SPOCK3: variants seen among roughly 807,000 people sequenced by gnomAD.
SPOCK3 encodes testican-3.
Under a neutral mutation model 56.6 loss-of-function variants are expected in SPOCK3, and 30 were observed. That is an observed-to-expected ratio of 0.53 (90% CI 0.40 to 0.72). The LOEUF (loss-of-function observed/expected upper bound fraction) is 0.72. SPOCK3 is among the 30% of genes least tolerant of loss of function. The pLI, the probability that SPOCK3 is intolerant of heterozygous loss-of-function variation, is 0.00. For synonymous variants in SPOCK3, 196 were observed against 183.3 expected, an observed-to-expected ratio of 1.07 and a Z score of -0.56; for missense variants, 527 against 530.0, an observed-to-expected ratio of 0.99 and a Z score of 0.06.
intron 2 of SPOCK3, among the ~76,000 whole-genome samples, chr4:167,183,083 C>A (rs956349056): frequency 1.3e-5 from 2 of 152,076 alleles, no homozygotes; most frequent in African/African-American, 4.8e-5. Context: ...ATGATTACAG[C>A]AGGCCCTCCT....
chr4:167,072,718 G>A (rs1022651909), intron 2 of SPOCK3, among the ~76,000 whole-genome samples: 4 of 151,608 alleles, frequency 2.6e-5, no homozygotes, highest in Non-Finnish European at 5.9e-5. Flanking sequence ...TAGCTTTGGA[G>A]ACAATCTACA....
intron 3 of SPOCK3, among the ~76,000 whole-genome samples, chr4:167,052,555 A>C (rs1197071676): frequency 2.0e-5 from 3 of 152,198 alleles, no homozygotes; most frequent in African/African-American, 7.2e-5. Context: ...AATCACTTTC[A>C]GAAAATACTG....
At chr4:166,949,497 G>T (rs1222125426) in intron 4 of SPOCK3, among the ~76,000 whole-genome samples, 2 of 152,054 alleles carry the variant, frequency 1.3e-5, no homozygotes, top group African/African-American at 4.8e-5. Flanking sequence ...TTTGATGATG[G>T]TGATGTACAG....
At chr4:167,205,370 TTA>T (rs576686752) in intron 2 of SPOCK3, among the ~76,000 whole-genome samples, 877 of 35,224 alleles carry the variant, frequency 0.025, 72 homozygotes, top group African/African-American at 0.12. Flanking sequence ...ATTATATATT[TTA>T]TATATATAAT....
intron 2 of SPOCK3, among the ~76,000 whole-genome samples, chr4:167,092,077 T>A (rs1240026963): frequency 6.6e-6 from 1 of 151,976 alleles, no homozygotes; most frequent in Non-Finnish European, 1.5e-5. Context: ...ATTTCTGCAT[T>A]TCCAACTGAG....
At chr4:167,038,596 G>A (rs532381227) in intron 3 of SPOCK3, among the ~76,000 whole-genome samples, 31 of 146,688 alleles carry the variant, frequency 2.1e-4, no homozygotes, top group African/African-American at 7.3e-4. Context: ...CTCCCAGGGT[G>A]CCATCCACCT....
At position 166,806,737 on chromosome 4, in the gene SPOCK3, C is replaced by T. The variant is rs551999330; in HGVS notation, c.590-14448G>A. On this transcript the variant is annotated intron_variant, in intron 6 of 10. Coordinates refer to ENST00000357545, the MANE Select transcript of SPOCK3 (RefSeq NM_001040159.2). ...AATGCATTGTCTTAAAGTATACATC[C>T]CTATAATTATGGTTCAAATATTTAC... Among the ~76,000 whole-genome samples the T allele has an allele frequency of 3.8e-3, 576 of 151,780 alleles. 2 individuals carry two copies. The highest frequency in any genetic ancestry group is 0.013 in the African/African-American group (545 of 41,432).
chr4:166,872,499 T>A (rs1732594173), intron 6 of SPOCK3, among the ~76,000 whole-genome samples: 1 of 152,136 alleles, frequency 6.6e-6, no homozygotes, highest in Non-Finnish European at 1.5e-5. Flanking sequence ...TGTACATGGA[T>A]GTTTATAAGA....
At chr4:167,076,081 A>G (rs1757154331) in intron 2 of SPOCK3, among the ~76,000 whole-genome samples, 1 of 151,946 alleles carries the variant, frequency 6.6e-6, no homozygotes, top group Admixed American at 6.6e-5. Flanking sequence ...TTCCAACTGT[A>G]TGGCATTCTG....
chr4:167,055,044 AG>A, intron 3 of SPOCK3, among the ~76,000 whole-genome samples: 1 of 152,322 alleles, frequency 6.6e-6, no homozygotes, highest in South Asian at 2.1e-4. Flanking sequence ...TTGAAGTAAA[AG>A]ATAACTTTAA....
intron 7 of SPOCK3, among the ~76,000 whole-genome samples, chr4:166,784,089 G>A (rs763124646): frequency 6.6e-6 from 1 of 151,954 alleles, no homozygotes; most frequent in Non-Finnish European, 1.5e-5. Context: ...ATTGAAAACA[G>A]AATGTAATAA....
intron 6 of SPOCK3, among the ~76,000 whole-genome samples, chr4:166,844,234 T>A (rs1261854924): frequency 2.6e-5 from 4 of 152,220 alleles, no homozygotes; most frequent in Non-Finnish European, 5.9e-5. Context: ...CATTTACTAG[T>A]TACTCGACTT....
intron 3 of SPOCK3, among the ~76,000 whole-genome samples, chr4:167,020,282 G>A (rs946364345): frequency 2.6e-5 from 4 of 152,008 alleles, no homozygotes; most frequent in Non-Finnish European, 5.9e-5. Flanking sequence ...AACTTTTAAG[G>A]CAGATGAAGT....
At chr4:166,896,457 G>A (rs1401460552) in intron 5 of SPOCK3, among the ~76,000 whole-genome samples, 1 of 152,126 alleles carries the variant, frequency 6.6e-6, no homozygotes, top group East Asian at 1.9e-4. Context: ...CTGCCTGGGG[G>A]CCACCGAGGT....
chr4:167,217,128 T>A (rs1230939707), intron 2 of SPOCK3, among the ~76,000 whole-genome samples: 1 of 152,120 alleles, frequency 6.6e-6, no homozygotes, highest in Non-Finnish European at 1.5e-5. Flanking sequence ...CTTTTATTAA[T>A]GAATGTAAAC....
chr4:167,045,091 G>T (rs536519930), intron 3 of SPOCK3, among the ~76,000 whole-genome samples: 3 of 152,118 alleles, frequency 2.0e-5, no homozygotes, highest in Admixed American at 2.0e-4. Context: ...TTGTTCTCTT[G>T]TTAGGCATAT....
chr4:166,937,753 A>AT (rs1268149519), intron 4 of SPOCK3, among the ~76,000 whole-genome samples: 30 of 119,512 alleles, frequency 2.5e-4, no homozygotes, highest in East Asian at 3.1e-4. Flanking sequence ...TCTTTTTTCT[A>AT]TTTTTTTTTC....
At chr4:166,949,107 T>G (rs1742163046) in intron 4 of SPOCK3, among the ~76,000 whole-genome samples, 1 of 152,214 alleles carries the variant, frequency 6.6e-6, no homozygotes, top group African/African-American at 2.4e-5. Flanking sequence ...CTTCCATCGC[T>G]GATACCCTTT....
chr4:166,909,054 T>C (rs1736958858), intron 5 of SPOCK3, among the ~76,000 whole-genome samples: 1 of 152,106 alleles, frequency 6.6e-6, no homozygotes, highest in African/African-American at 2.4e-5. Flanking sequence ...AAGTAAATAA[T>C]TTTTCTTAAC....
Sources: allele counts gnomAD v4.1 joint callset (sites outside exome capture counted in the v4.1 genomes callset), GRCh38; gene constraint gnomAD v4.1.1; transcripts MANE v1.5; gene names NCBI Gene and HGNC (gene_info 2026-07-23, HGNC 2026-07-21).